Variants in PEBP4 observed in about 807,000 individuals in gnomAD.
PEBP4 encodes phosphatidylethanolamine-binding protein 4.
PEBP4 carries 22 observed loss-of-function variants against 23.9 expected under a neutral mutation model. That is an observed-to-expected ratio of 0.92 (90% confidence interval 0.66 to 1.31). PEBP4 has a LOEUF of 1.31. Ranked by LOEUF, PEBP4 falls within the 40% of genes most tolerant of loss-of-function variation. PEBP4 has a pLI of 0.00. For synonymous variants in PEBP4, 112 were observed against 99.3 expected (o/e 1.13, Z -0.76); for missense variants, 324 against 281.7 (o/e 1.15, Z -1.07).
chr8:22,903,246 T>G (rs1808746625), intron 3 of PEBP4, among the ~76,000 whole-genome samples: 1 of 152,236 alleles, frequency 6.6e-6, no homozygotes, highest in South Asian at 2.1e-4. Flanking sequence ...AATCCTGGCT[T>G]CATCACTCAT....
chr8:22,730,974 C>T (rs146447457), intron 4 of PEBP4, among the ~76,000 whole-genome samples: 96 of 152,322 alleles, frequency 6.3e-4, no homozygotes, highest in African/African-American at 2.1e-3. Context: ...TTTGACCCTG[C>T]TGCCTCCCCC....
At chr8:22,834,388 C>T (rs925267705) in intron 3 of PEBP4, among the ~76,000 whole-genome samples, 3 of 151,808 alleles carry the variant, frequency 2.0e-5, no homozygotes, top group Non-Finnish European at 4.4e-5. Flanking sequence ...GTTCGAATTT[C>T]AGGCTGGTGT....
chr8:22,907,323 C>A (rs926473758), intron 3 of PEBP4, among the ~76,000 whole-genome samples: 14 of 152,076 alleles, frequency 9.2e-5, no homozygotes, highest in African/African-American at 3.4e-4. Flanking sequence ...AGCAGCATGG[C>A]CAACATGGTG....
At position 22,819,605 on chromosome 8, in the gene PEBP4, TTG is replaced by T. The variant is rs375607955; in HGVS notation, c.259-1872_259-1871del. 4.5e-3 allele frequency among the ~76,000 whole-genome samples: 684 copies of T among 152,136 alleles called. 3 individuals carry two copies. The highest frequency in any genetic ancestry group is 0.015 in the African/African-American group (632 of 41,512). On this transcript the variant is annotated intron_variant, in intron 3 of 6. Transcript: ENST00000256404. Reference sequence around the variant, plus strand: ...AAGAGTCAAGATTGTTTTTGTTTTTTTGTTTTGTTTTGTTTTGTTTTTTGAGA... The same window carrying T: ...AAGAGTCAAGATTGTTTTTGTTTTTTTTTTGTTTTGTTTTGTTTTTTGAGA...
intron 3 of PEBP4, among the ~76,000 whole-genome samples, chr8:22,819,811 T>G (rs1221057189): frequency 1.3e-5 from 2 of 152,122 alleles, no homozygotes; most frequent in Admixed American, 6.5e-5. Flanking sequence ...TTTCACCGTG[T>G]TAGCCAGGAT....
chr8:22,801,704 C>A (rs956560536), intron 4 of PEBP4, among the ~76,000 whole-genome samples: 1 of 152,094 alleles, frequency 6.6e-6, no homozygotes, highest in Admixed American at 6.5e-5. Context: ...TACACACATG[C>A]AATGCACACA....
rs189961297 is a variant in PEBP4 at position 22,918,968 on chromosome 8, C to T, written c.258+1216G>A. Among the ~76,000 whole-genome samples the T allele has an allele frequency of 2.0e-3, 300 of 152,240 alleles. 2 individuals are homozygous for T. The highest frequency in any genetic ancestry group is 6.6e-3 in the African/African-American group (275 of 41,532). ...ATGTGCACGTGTGCACTTTATTGCT[C>T]GTCTTCCCAAAGGAAAGGGTGTTTG... is the stretch of plus-strand genomic sequence containing the variant. On this transcript the variant is annotated intron_variant, in intron 3 of 6. Transcript: ENST00000256404.
At chr8:22,829,001 G>A (rs982159076) in intron 3 of PEBP4, among the ~76,000 whole-genome samples, 2 of 152,292 alleles carry the variant, frequency 1.3e-5, no homozygotes, top group East Asian at 3.9e-4. Context: ...TCTACTGGGA[G>A]TAGTCTTCAA....
intron 4 of PEBP4, among the ~76,000 whole-genome samples, chr8:22,745,264 C>T (rs1030393961): frequency 3.3e-5 from 5 of 152,164 alleles, no homozygotes; most frequent in Admixed American, 6.5e-5. Flanking sequence ...ACTTAGGGGA[C>T]CCTGTGCACT....
chr8:22,718,691 G>C (rs1210422098), intron 6 of PEBP4, among the ~76,000 whole-genome samples: 1 of 152,096 alleles, frequency 6.6e-6, no homozygotes, highest in East Asian at 1.9e-4. Context: ...GCTGGGCCCT[G>C]GGGGATGCTG....
rs951710478 is a variant in PEBP4 at position 22,807,143 on chromosome 8, C to T, written c.357+10494G>A. Among the ~76,000 whole-genome samples, 13 of 152,280 alleles carry T rather than the reference C, an allele frequency of 8.5e-5. No homozygotes were observed. In the South Asian group the frequency reaches 1.2e-3, roughly 15 times the overall value. ...ATTGCAAATCTAAGCTCTTTCTGGA[C>T]CTTGGAGGTGTAATTCATTTAGCAA... On this transcript the variant is annotated intron_variant, in intron 4 of 6. Coordinates refer to ENST00000256404, the MANE Select transcript of PEBP4 (RefSeq NM_144962.3).
intron 4 of PEBP4, among the ~76,000 whole-genome samples, chr8:22,812,389 C>T (rs983004403): frequency 5.9e-5 from 9 of 152,228 alleles, no homozygotes; most frequent in Admixed American, 4.6e-4. Flanking sequence ...GAGCTCTTTC[C>T]CTTTCCCTTC....
intron 3 of PEBP4, among the ~76,000 whole-genome samples, chr8:22,877,134 C>T (rs987115455): frequency 1.3e-5 from 2 of 152,198 alleles, no homozygotes; most frequent in Admixed American, 6.5e-5. Flanking sequence ...CCTCCTCAAA[C>T]CAGGCTGTGC....
At chr8:22,816,313 G>T (rs1195011673) in intron 4 of PEBP4, among the ~76,000 whole-genome samples, 1 of 152,178 alleles carries the variant, frequency 6.6e-6, no homozygotes, top group Non-Finnish European at 1.5e-5. Flanking sequence ...CATAGGCAGG[G>T]CTGCCTCTAA....
At chr8:22,930,157 C>G (rs1384966461), upstream of PEBP4, among the ~76,000 whole-genome samples, 1 of 152,178 alleles carries the variant, frequency 6.6e-6, no homozygotes, top group Non-Finnish European at 1.5e-5. Flanking sequence ...CTTTTCCTGT[C>G]TCTCTAGCTG....
chr8:22,826,945 A>G (rs1232653285), intron 3 of PEBP4, among the ~76,000 whole-genome samples: 1 of 152,244 alleles, frequency 6.6e-6, no homozygotes, highest in Non-Finnish European at 1.5e-5. Context: ...TATCATCATT[A>G]TCCTGGAGAC....
chr8:22,824,059 G>A (rs1443455910), intron 3 of PEBP4, among the ~76,000 whole-genome samples: 1 of 152,066 alleles, frequency 6.6e-6, no homozygotes, highest in Non-Finnish European at 1.5e-5. Context: ...TTTTAAAAAG[G>A]AGAGAAGACC....
intron 1 of PEBP4, among the ~76,000 whole-genome samples, chr8:22,934,117 G>T (rs770525491): frequency 1.3e-5 from 2 of 152,098 alleles, no homozygotes; most frequent in Non-Finnish European, 2.9e-5. Flanking sequence ...TTCATGAAAG[G>T]TCTGCCCCCA....
At chr8:22,920,415 C>A in intron 2 of PEBP4, 105 bp from the exon 3 acceptor site, 89 of 1,301,740 alleles carry the variant, frequency 6.8e-5, no homozygotes, top group Admixed American at 2.4e-4. Flanking sequence ...GAAATGGGAT[C>A]AAATCCTAAA....
Sources: gnomAD v4.1 joint callset for allele counts (sites outside exome capture counted in the v4.1 genomes callset) on GRCh38, gnomAD v4.1.1 for gene constraint, MANE v1.5 for transcripts, NCBI Gene and HGNC (gene_info 2026-07-23, HGNC 2026-07-21) for gene names.